SLC2A7: variants seen among roughly 807,000 people sequenced by gnomAD.
SLC2A7 encodes solute carrier family 2, facilitated glucose transporter member 7.
Under a neutral mutation model 50.5 loss-of-function variants are expected in SLC2A7, and 50 were observed. The observed-to-expected ratio is 0.99, with a 90% CI of 0.79 to 1.25. The LOEUF is 1.25. SLC2A7 is among the 50% of genes most tolerant of loss of function. The pLI is 0.00. For synonymous variants in SLC2A7, 308 were observed against 300.4 expected (o/e 1.03, Z -0.26); for missense variants, 683 against 679.1 (o/e 1.01, Z -0.06).
At chr1:8,997,212 G>A in the SLC2A7 span, among the ~76,000 whole-genome samples, 4 of 152,002 alleles carry the variant, frequency 2.6e-5, no homozygotes, top group Non-Finnish European at 4.4e-5. Context: ...AGGCTGAGAC[G>A]GGAGGATCAC....
At chr1:9,022,836 C>T in intron 3 of SLC2A7, 82 bp downstream of exon 3, 1 of 1,549,592 alleles carries the variant, frequency 6.5e-7, no homozygotes. Flanking sequence ...TCACACGTCT[C>T]CCCACCAGGT....
chr1:9,014,422 T>C (rs1330997372), intron 7 of SLC2A7, among the ~76,000 whole-genome samples: 1 of 151,694 alleles, frequency 6.6e-6, no homozygotes, highest in East Asian at 1.9e-4. Context: ...AGCTGGTCTC[T>C]TGTATAGAAG....
downstream of SLC2A7, among the ~76,000 whole-genome samples, chr1:8,999,213 TG>T (rs1640544463): frequency 6.6e-6 from 1 of 152,216 alleles, no homozygotes; most frequent in Non-Finnish European, 1.5e-5. Context: ...GGTTTCACCA[TG>T]TTAGCCAGGC....
chr1:9,001,714 G>A (rs753359015), downstream of SLC2A7, among the ~76,000 whole-genome samples: 3 of 151,952 alleles, frequency 2.0e-5, no homozygotes, highest in Non-Finnish European at 4.4e-5. Context: ...CACCACGCCC[G>A]GCACTGCACC....
intron 3 of SLC2A7, 135 bp downstream of exon 3, chr1:9,022,783 T>C (rs765421780): frequency 1.7e-6 from 2 of 1,183,440 alleles, no homozygotes; most frequent in South Asian, 1.5e-5. Context: ...ATGATGACTG[T>C]GGCCAAGCGG....
At chr1:9,016,319 C>T (rs1345766326) in intron 5 of SLC2A7, among the ~76,000 whole-genome samples, 2 of 152,190 alleles carry the variant, frequency 1.3e-5, no homozygotes, top group African/African-American at 4.8e-5. Flanking sequence ...CTGTAAAAAA[C>T]CCCGGCCGGG....
At chr1:8,997,749 GCT>G in the SLC2A7 span, among the ~76,000 whole-genome samples, 2 of 152,146 alleles carry the variant, frequency 1.3e-5, no homozygotes, top group Non-Finnish European at 2.9e-5. Context: ...AGATACTAGT[GCT>G]TTCTCAGATA....
rs567670347 is a variant in SLC2A7, at chr1:9,008,177, C to T, written c.1117-792G>A. Among the ~76,000 whole-genome samples the T allele has an allele frequency of 2.0e-5, 3 of 152,168 alleles. No individual in the cohort carries two copies. Among genetic ancestry groups the T allele is most frequent in the South Asian group, 2.1e-4 (1 of 4,808 alleles). On this transcript the variant is annotated intron_variant, in intron 9 of 11. Transcript: ENST00000400906. This position sits in a 1 kb window ranked among gnomAD's most constrained non-coding sequence, Gnocchi z 5.9. ...ACTTCAGCCAAACTAACCGGGTGCC[C>T]CCAGATGAACTTCCCAGGGAACCCT...
At chr1:9,016,966 C>A (rs563806228) in intron 5 of SLC2A7, among the ~76,000 whole-genome samples, 34 of 152,246 alleles carry the variant, frequency 2.2e-4, no homozygotes, top group African/African-American at 7.9e-4. Context: ...CCACTCCCCC[C>A]GAGGCTAACC....
At chr1:9,015,559 TG>T (rs1640817664) in intron 5 of SLC2A7, among the ~76,000 whole-genome samples, 1 of 152,116 alleles carries the variant, frequency 6.6e-6, no homozygotes, top group Non-Finnish European at 1.5e-5. Context: ...GGATAATCTC[TG>T]CCTCATTAGG....
At chr1:9,023,869 T>TTTTTTA (rs1314914756) in intron 2 of SLC2A7, among the ~76,000 whole-genome samples, 1 of 119,130 alleles carries the variant, frequency 8.4e-6, no homozygotes. Context: ...TTTTTTTTTT[T>TTTTTTA]TTTTGAGATG....
intron 3 of SLC2A7, among the ~76,000 whole-genome samples, 192 bp from the exon 4 acceptor site, chr1:9,019,525 T>G (rs756212279): frequency 6.6e-6 from 1 of 152,024 alleles, no homozygotes; most frequent in African/African-American, 2.4e-5. Flanking sequence ...CCCAGTGTGA[T>G]GGGATCAGCA....
chr1:9,022,746 G>C (rs1640930240), intron 3 of SLC2A7, among the ~76,000 whole-genome samples, 172 bp downstream of exon 3: 2 of 152,154 alleles, frequency 1.3e-5, no homozygotes, highest in African/African-American at 4.8e-5. Context: ...AGAAATCCCA[G>C]AGACATTTAG....
intron 5 of SLC2A7, among the ~76,000 whole-genome samples, chr1:9,016,397 G>T (rs1188635609): frequency 6.6e-6 from 1 of 152,196 alleles, no homozygotes; most frequent in African/African-American, 2.4e-5. Context: ...TTGAGCCCAG[G>T]AGTTACAGAT....
At chr1:9,015,459 C>G (rs982535641) in intron 5 of SLC2A7, among the ~76,000 whole-genome samples, 1 of 152,204 alleles carries the variant, frequency 6.6e-6, no homozygotes, top group African/African-American at 2.4e-5. Context: ...AGGAAGAACA[C>G]CGTTTCTCTA....
chr1:9,007,435 C>G (rs201841816), intron 9 of SLC2A7, 50 bp from the exon 10 acceptor site: 10 of 1,582,494 alleles, frequency 6.3e-6, no homozygotes, highest in Non-Finnish European at 8.7e-6. Flanking sequence ...GCCCCACGTG[C>G]GGGGGGGTCC....
At chr1:9,013,668 C>G in intron 7 of SLC2A7, 33 bp from the exon 8 acceptor site, 3 of 1,588,338 alleles carry the variant, frequency 1.9e-6, no homozygotes, top group Non-Finnish European at 1.7e-6. Flanking sequence ...CAGGACAGGC[C>G]GGAAGACCCA....
chr1:9,004,627 C>T (rs1640625149), intron 11 of SLC2A7, 125 bp downstream of exon 11: 2 of 1,230,274 alleles, frequency 1.6e-6, no homozygotes, highest in East Asian at 2.4e-5. Flanking sequence ...TGTCTGTGGA[C>T]CCTTGGATGT....
chr1:9,010,084 A>AG lies in SLC2A7; in HGVS notation c.1116+58dup, dbSNP rs1253358186. ...TTGGTGCAGCGGGCCCGGTTCAGTC[A>AG]GGGGACCTCCCACCCTCCCCATGAC... On this transcript the variant is annotated intron_variant, in intron 9 of 11. Coordinates refer to ENST00000400906, the MANE Select transcript of SLC2A7 (RefSeq NM_207420.3). 9 of 1,487,198 alleles carry AG rather than the reference A, an allele frequency of 6.1e-6. No homozygotes were observed. In the East Asian group the frequency reaches 7.4e-5, roughly 12 times the overall value. The allele number at this position is 1,487,198 out of a possible 1,614,324, so 92.1% of individuals were successfully genotyped here. A position where few individuals can be genotyped will look rare whatever the true frequency, so the allele number is the denominator to read the frequency against.
Sources: gnomAD v4.1 joint callset for allele counts (sites outside exome capture counted in the v4.1 genomes callset) on GRCh38, gnomAD v4.1.1 for gene constraint, Gnocchi (gnomAD v3.1) non-coding constraint, MANE v1.5 for transcripts, NCBI Gene and HGNC (gene_info 2026-07-23, HGNC 2026-07-21) for gene names.